The following EXTL3 variants were observed in gnomAD, a reference collection of about 807,000 sequenced individuals.
EXTL3 encodes exostosin like glycosyltransferase 3.
A neutral mutation model predicts 69.3 loss-of-function variants in EXTL3; 27 were observed. The ratio of observed to expected loss-of-function variants is 0.39; its 90% CI spans 0.29 to 0.54. The LOEUF is 0.54. EXTL3 is among the 20% of genes least tolerant of loss of function. The pLI is 0.69. For missense variants in EXTL3, 1,003 were observed against 1,231.8 expected (o/e 0.81, Z 2.78); for synonymous variants, 511 against 499.4 (o/e 1.02, Z -0.31).
At chr8:28,656,024 A>G (rs1049216462) in intron 1 of EXTL3, among the ~76,000 whole-genome samples, 2 of 152,170 alleles carry the variant, frequency 1.3e-5, no homozygotes, top group African/African-American at 2.4e-5. Flanking sequence ...GTCCAGATGC[A>G]GGATCATTGA....
downstream of EXTL3, among the ~76,000 whole-genome samples, chr8:28,755,793 T>G (rs79328177): frequency 0.018 from 2,720 of 152,310 alleles, 28 homozygotes; most frequent in Non-Finnish European, 0.026. Flanking sequence ...TGTAGGACTG[T>G]CATGTTAGCA....
At chr8:28,635,977 C>T (rs952089659) in intron 1 of EXTL3, among the ~76,000 whole-genome samples, 7 of 152,106 alleles carry the variant, frequency 4.6e-5, no homozygotes, top group African/African-American at 1.7e-4. Flanking sequence ...GCCTTAGTCT[C>T]TCAAAGTGCT....
intron 1 of EXTL3, among the ~76,000 whole-genome samples, chr8:28,694,634 G>GTGTGT (rs200765198): frequency 0.049 from 7,447 of 152,264 alleles, 231 homozygotes; most frequent in Admixed American, 0.084. Flanking sequence ...TTGTGACAAA[G>GTGTGT]GACTAATAAT....
chr8:28,690,167 T>C (rs1409429568), intron 1 of EXTL3, among the ~76,000 whole-genome samples: 1 of 152,200 alleles, frequency 6.6e-6, no homozygotes, highest in East Asian at 1.9e-4. Flanking sequence ...TTAACTTTAA[T>C]TTAAAAAATA....
chr8:28,737,700 G>A, intron 5 of EXTL3, 37 bp downstream of exon 5: 1 of 1,611,768 alleles, frequency 6.2e-7, no homozygotes, highest in Non-Finnish European at 8.5e-7. Flanking sequence ...TCGACTTGGT[G>A]AGAGTTTCAC....
chr8:28,739,665 A>C (rs1392631544), intron 5 of EXTL3, among the ~76,000 whole-genome samples: 1 of 152,204 alleles, frequency 6.6e-6, no homozygotes, highest in Non-Finnish European at 1.5e-5. Flanking sequence ...AGCAGTCGTT[A>C]AACTTTCAGC....
intron 1 of EXTL3, among the ~76,000 whole-genome samples, chr8:28,630,407 T>G (rs182419583): frequency 6.6e-6 from 1 of 152,250 alleles, no homozygotes; most frequent in East Asian, 1.9e-4. Context: ...TACTAATACA[T>G]TAACCCACTA....
intron 1 of EXTL3, among the ~76,000 whole-genome samples, chr8:28,630,228 G>A (rs1806552331): frequency 6.6e-6 from 1 of 152,118 alleles, no homozygotes; most frequent in African/African-American, 2.4e-5. Context: ...GTTTTATAAA[G>A]GGGAGTTCTC....
In EXTL3 at chr8:28,728,379, T is replaced by C. The variant is rs377176422; in HGVS notation, c.2149-2844T>C. ...GTCTGACCTAGGCCTCACTCGGTCC[T>C]TCGTTTTGTCATTGTGGACTCTGAG... is the stretch of plus-strand genomic sequence containing the variant. On this transcript the variant is annotated intron_variant, in intron 3 of 6. Coordinates refer to ENST00000220562, the MANE Select transcript of EXTL3 (RefSeq NM_001440.4). 1.4e-3 allele frequency among the ~76,000 whole-genome samples: 213 copies of C among 152,332 alleles called. 2 individuals carry two copies. Among genetic ancestry groups the C allele is most frequent in the African/African-American group, 5.0e-3 (208 of 41,572 alleles).
intron 1 of EXTL3, among the ~76,000 whole-genome samples, chr8:28,634,892 G>T (rs1398464041): frequency 6.6e-6 from 1 of 152,058 alleles, no homozygotes; most frequent in Non-Finnish European, 1.5e-5. Flanking sequence ...ACTGCACCCG[G>T]CTGACATCTG....
intron 1 of EXTL3, among the ~76,000 whole-genome samples, chr8:28,658,904 C>A (rs572001384): frequency 6.6e-6 from 1 of 152,168 alleles, no homozygotes; most frequent in Non-Finnish European, 1.5e-5. Context: ...TTTATACCTT[C>A]GAAATATTCC....
intron 1 of EXTL3, among the ~76,000 whole-genome samples, chr8:28,670,909 A>G (rs754593323): frequency 1.1e-4 from 17 of 152,110 alleles, no homozygotes; most frequent in Non-Finnish European, 2.2e-4. Flanking sequence ...TCTGAAACAT[A>G]AAGGAGAGAA....
chr8:28,694,664 C>T (rs1022163532), intron 1 of EXTL3, among the ~76,000 whole-genome samples: 5 of 152,106 alleles, frequency 3.3e-5, no homozygotes, highest in Middle Eastern at 3.2e-3. Context: ...TGTTTAGGGT[C>T]GTTAAAGGAG....
rs556070266 is a variant in EXTL3 at position 28,674,460 on chromosome 8, G to A, written c.-52-38997G>A. Among the ~76,000 whole-genome samples, 31 of 152,308 alleles carry A rather than the reference G, an allele frequency of 2.0e-4. 1 individual carries two copies. Among genetic ancestry groups the A allele is most frequent in the African/African-American group, 7.5e-4 (31 of 41,550 alleles). On this transcript the variant is annotated intron_variant, in intron 1 of 6. Transcript: ENST00000523149. ...TAATGTCATGCTGGTGGAAGGAAAGGATGAGGTCAGGGATTCACATTCCTA... is the reference window on the plus strand; with the variant it reads ...TAATGTCATGCTGGTGGAAGGAAAGAATGAGGTCAGGGATTCACATTCCTA...
chr8:28,707,805 AAC>A (rs1800954055), intron 1 of EXTL3, among the ~76,000 whole-genome samples: 1 of 152,204 alleles, frequency 6.6e-6, no homozygotes. Context: ...TGACTGGTAA[AAC>A]AATACGATTT....
intron 5 of EXTL3, 118 bp from the exon 6 acceptor site, chr8:28,742,968 T>A: frequency 1.9e-6 from 2 of 1,073,080 alleles, no homozygotes; most frequent in Non-Finnish European, 2.9e-6. Flanking sequence ...TAAGTGCCAG[T>A]AATACCTCCT....
chr8:28,637,293 C>G (rs1169112446), intron 1 of EXTL3: 1 of 152,236 alleles, frequency 6.6e-6, no homozygotes, highest in Non-Finnish European at 1.5e-5. Flanking sequence ...CTCCTGTTCT[C>G]CGCAGCAGAT....
At chr8:28,663,091 G>A (rs1418388888) in intron 1 of EXTL3, among the ~76,000 whole-genome samples, 1 of 152,202 alleles carries the variant, frequency 6.6e-6, no homozygotes, top group Non-Finnish European at 1.5e-5. Context: ...CTATCCACAT[G>A]CAATTCAATG....
upstream of EXTL3, among the ~76,000 whole-genome samples, chr8:28,617,738 C>T (rs1359907690): frequency 6.6e-6 from 1 of 152,144 alleles, no homozygotes; most frequent in Non-Finnish European, 1.5e-5. Flanking sequence ...TGAGATAGTG[C>T]CACTGCGCTC....
Sources: gnomAD v4.1 joint callset for allele counts (sites outside exome capture counted in the v4.1 genomes callset) on GRCh38, gnomAD v4.1.1 for gene constraint, MANE v1.5 for transcripts, NCBI Gene and HGNC (gene_info 2026-07-23, HGNC 2026-07-21) for gene names.